The following TYW1B variants were observed in gnomAD, a reference collection of about 807,000 sequenced individuals.
The protein encoded by TYW1B is S-adenosyl-L-methionine-dependent tRNA 4-demethylwyosine synthase TYW1B.
A neutral mutation model predicts 86.9 loss-of-function variants in TYW1B; 73 were observed. The ratio of observed to expected loss-of-function variants is 0.84; its 90% confidence interval spans 0.70 to 1.02. The LOEUF (loss-of-function observed/expected upper bound fraction) is 1.02. Ranked by LOEUF, TYW1B falls within the 50% of genes least tolerant of loss-of-function variation. The probability of loss-of-function intolerance (pLI) is 0.00; values close to 1 mark genes in which losing one functional copy is unlikely to be tolerated. For missense variants in TYW1B, 637 were observed against 827.4 expected, an observed-to-expected ratio of 0.77 and a Z score of 2.82; for synonymous variants, 248 against 292.8, an observed-to-expected ratio of 0.85 and a Z score of 1.56.
rs386714635 is a variant in TYW1B at position 72,747,440 on chromosome 7, G to A, written c.965-2839C>T. ...ATGTCTTTATCAGCAGCATGAAAAC[G>A]GACTAATACAGAATTGCTTTTGCAT... On this transcript the variant is annotated intron_variant, in intron 7 of 13. Transcript: ENST00000620995. 7.1e-3 allele frequency among the ~76,000 whole-genome samples: 1,084 copies of A among 152,190 alleles called. 19 individuals are homozygous for A. Among genetic ancestry groups the A allele is most frequent in the African/African-American group, 0.025 (1,056 of 41,536 alleles).
intron 6 of TYW1B, among the ~76,000 whole-genome samples, chr7:72,779,755 T>C (rs181887556): frequency 0.013 from 1,697 of 135,158 alleles, 31 homozygotes; most frequent in African/African-American, 0.042. Context: ...AGAAAGTAAG[T>C]GAAATTTGGA....
intron 13 of TYW1B, among the ~76,000 whole-genome samples, chr7:72,611,792 T>C (rs1205799386): frequency 6.6e-6 from 1 of 152,132 alleles, no homozygotes; most frequent in East Asian, 1.9e-4. Flanking sequence ...AGGGTCTATC[T>C]CAGATTCTCT....
Position 72,620,224 on chromosome 7 carries a change from C to T in TYW1B, c.1618-3385G>A, listed in dbSNP as rs556898988. Among the ~76,000 whole-genome samples, 610 of 151,984 alleles carry T rather than the reference C, an allele frequency of 4.0e-3. 4 individuals are homozygous for T. Among genetic ancestry groups the T allele is most frequent in the African/African-American group, 0.014 (579 of 41,450 alleles). On this transcript the variant is annotated intron_variant, in intron 12 of 13. Coordinates refer to ENST00000620995, the MANE Select transcript of TYW1B (RefSeq NM_001145440.3). ...CCAGCCTTGCCGACATGGTGAAACC[C>T]TGTCTCTATTAAAAATACAAAAATT...
chr7:72,656,109 C>T (rs1437849123), intron 11 of TYW1B, among the ~76,000 whole-genome samples: 1 of 152,164 alleles, frequency 6.6e-6, no homozygotes, highest in African/African-American at 2.4e-5. Flanking sequence ...TGGCGCCTTA[C>T]AAATGATTGG....
At chr7:72,624,299 T>A (rs1164272293) in intron 12 of TYW1B, among the ~76,000 whole-genome samples, 2 of 152,226 alleles carry the variant, frequency 1.3e-5, no homozygotes, top group African/African-American at 2.4e-5. Context: ...ACACACTACA[T>A]AATTACAAAA....
chr7:72,709,903 T>G (rs1372567491), intron 10 of TYW1B, among the ~76,000 whole-genome samples: 21 of 152,186 alleles, frequency 1.4e-4, no homozygotes, highest in Non-Finnish European at 8.8e-5. Flanking sequence ...TGGAATCATA[T>G]GCCATCCTAT....
At chr7:72,673,734 A>C (rs1225398571) in intron 11 of TYW1B, among the ~76,000 whole-genome samples, 1 of 152,224 alleles carries the variant, frequency 6.6e-6, no homozygotes, top group Non-Finnish European at 1.5e-5. Context: ...TTGTACATTT[A>C]AAAGTGACTA....
intron 6 of TYW1B, among the ~76,000 whole-genome samples, chr7:72,788,729 C>T (rs1256427230): frequency 1.3e-5 from 2 of 152,078 alleles, no homozygotes; most frequent in African/African-American, 2.4e-5. Context: ...GACGGGGTTT[C>T]GCCATGTTGG....
intron 9 of TYW1B, among the ~76,000 whole-genome samples, chr7:72,718,255 T>G (rs1471007225): frequency 6.6e-6 from 1 of 151,984 alleles, no homozygotes. Context: ...CACTTTTAAG[T>G]GGGAACTAAC....
At position 72,766,280 on chromosome 7, in the gene TYW1B, G is replaced by C. The variant is rs1476417849; in HGVS notation, c.964+11136C>G. Among the ~76,000 whole-genome samples the C allele has an allele frequency of 2.0e-5, 3 of 152,150 alleles. No homozygotes were observed. In the East Asian group the frequency reaches 5.8e-4, roughly 29 times the overall value. Reference sequence around the variant, plus strand: ...ACGACTCAAAGCCATTATGCAAACTGACATTGTCATATTAAGTTTACCTTT... The same window carrying C: ...ACGACTCAAAGCCATTATGCAAACTCACATTGTCATATTAAGTTTACCTTT... On this transcript the variant is annotated intron_variant, in intron 7 of 13. Transcript: ENST00000620995.
chr7:72,639,209 TTAGGAGTGA>T (rs1468815981), intron 11 of TYW1B, among the ~76,000 whole-genome samples: 1 of 151,920 alleles, frequency 6.6e-6, no homozygotes, highest in Middle Eastern at 3.2e-3. Flanking sequence ...GTTAATTGTA[TTAGGAGTGA>T]TAATGGTATT....
intron 13 of TYW1B, among the ~76,000 whole-genome samples, chr7:72,593,607 G>A (rs1342892435): frequency 6.6e-6 from 1 of 152,028 alleles, no homozygotes; most frequent in Non-Finnish European, 1.5e-5. Context: ...CGGATCACAA[G>A]GTCAGGAGAT....
At chr7:72,764,787 A>C (rs1317797071) in intron 7 of TYW1B, among the ~76,000 whole-genome samples, 1 of 152,196 alleles carries the variant, frequency 6.6e-6, no homozygotes, top group Non-Finnish European at 1.5e-5. Flanking sequence ...AAATTAAGTA[A>C]TTGATGATGA....
chr7:72,667,367 A>G (rs781950798), intron 11 of TYW1B, among the ~76,000 whole-genome samples: 2 of 152,176 alleles, frequency 1.3e-5, no homozygotes, highest in African/African-American at 4.8e-5. Flanking sequence ...TGTAAGTATC[A>G]ATTTAAAACG....
intron 4 of TYW1B, among the ~76,000 whole-genome samples, chr7:72,809,328 A>G (rs1253137326): frequency 2.6e-5 from 4 of 152,040 alleles, no homozygotes; most frequent in African/African-American, 9.7e-5. Context: ...CAGGCGTTTG[A>G]GCCACCAGGC....
intron 13 of TYW1B, among the ~76,000 whole-genome samples, chr7:72,614,939 A>C (rs1812033697): frequency 6.6e-6 from 1 of 152,226 alleles, no homozygotes; most frequent in Non-Finnish European, 1.5e-5. Flanking sequence ...CCCTCTAATC[A>C]ATCTGACTCC....
chr7:72,777,370 T>C (rs1554470725), intron 7 of TYW1B, 46 bp downstream of exon 7: 4 of 1,601,002 alleles, frequency 2.5e-6, no homozygotes, highest in Non-Finnish European at 3.4e-6. Context: ...CAAATGAGAA[T>C]GCCTAAGACT....
intron 11 of TYW1B, among the ~76,000 whole-genome samples, chr7:72,671,038 A>T (rs1475880613): frequency 6.6e-6 from 1 of 152,180 alleles, no homozygotes; most frequent in Non-Finnish European, 1.5e-5. Flanking sequence ...AACGTTTAAT[A>T]TCTGGTAAAA....
chr7:72,754,311 T>G lies in TYW1B; in HGVS notation c.965-9710A>C, dbSNP rs904242875. Among the ~76,000 whole-genome samples the G allele has an allele frequency of 1.3e-4, 20 of 151,964 alleles. 1 individual carries two copies. Among genetic ancestry groups the G allele is most frequent in the African/African-American group, 4.8e-4 (20 of 41,368 alleles). On this transcript the variant is annotated intron_variant, in intron 7 of 13. Coordinates refer to ENST00000620995, the MANE Select transcript of TYW1B (RefSeq NM_001145440.3). ...CCCGCTGCCACCACGTCTGGCTAAT[T>G]CTTCTATTTTTAATAGAGACGGGGT...
Sources: gnomAD v4.1 joint callset for allele counts (sites outside exome capture counted in the v4.1 genomes callset) on GRCh38, gnomAD v4.1.1 for gene constraint, MANE v1.5 for transcripts, NCBI Gene and HGNC (gene_info 2026-07-23, HGNC 2026-07-21) for gene names.